The following NHS variants were observed in gnomAD, a reference collection of about 807,000 sequenced individuals.
The protein encoded by NHS is actin remodeling regulator NHS.
In NHS, 5 loss-of-function variants were observed where a neutral mutation model predicts 72.5. The ratio of observed to expected loss-of-function variants is 0.07; its 90% CI spans 0.04 to 0.14. NHS has a LOEUF of 0.14. Ranked by LOEUF, NHS falls within the 10% of genes least tolerant of loss-of-function variation. The pLI is 1.00. For missense variants in NHS, 1,072 were observed against 1,355.7 expected (o/e 0.79, Z 3.29); for synonymous variants, 464 against 547.7 (o/e 0.85, Z 2.13).
At chrX:17,407,559 G>A (rs966803489) in intron 1 of NHS, among the ~76,000 whole-genome samples, 1 of 111,488 alleles carries the variant, frequency 9.0e-6, no homozygotes, top group Admixed American at 9.5e-5. Flanking sequence ...GAGGAGTGTT[G>A]ATTTTTTTTG....
At chrX:17,407,262 T>A (rs1045897967) in intron 1 of NHS, among the ~76,000 whole-genome samples, 1 of 111,882 alleles carries the variant, frequency 8.9e-6, no homozygotes, top group Admixed American at 9.5e-5. Flanking sequence ...GTTGTTTTTT[T>A]AATACTATAT....
chrX:17,499,902 A>G (rs1423511910), intron 1 of NHS, among the ~76,000 whole-genome samples: 1 of 111,845 alleles, frequency 8.9e-6, no homozygotes, highest in Non-Finnish European at 1.9e-5. Flanking sequence ...AGGGCTCTGA[A>G]AGGAGATGAA....
intron 1 of NHS, among the ~76,000 whole-genome samples, chrX:17,572,491 C>CTTTTTTT (rs760577193): frequency 3.4e-4 from 16 of 46,758 alleles, no homozygotes; most frequent in African/African-American, 1.0e-3. Context: ...GCAACCCCTG[C>CTTTTTTT]TTTTTTTTTT....
intron 1 of NHS, among the ~76,000 whole-genome samples, chrX:17,417,514 T>C: frequency 8.9e-6 from 1 of 111,781 alleles, no homozygotes; most frequent in African/African-American, 3.2e-5. Context: ...TCAGAACCAC[T>C]TTGGTTTCAT....
chrX:17,446,432 C>T (rs2064780534), intron 1 of NHS, among the ~76,000 whole-genome samples: 1 of 110,425 alleles, frequency 9.1e-6, no homozygotes, highest in Non-Finnish European at 1.9e-5. Context: ...TAACTGATGA[C>T]ATTACCTTGT....
chrX:17,570,779 C>T (rs1324966365), intron 1 of NHS, among the ~76,000 whole-genome samples: 1 of 111,557 alleles, frequency 9.0e-6, no homozygotes, highest in South Asian at 3.8e-4. Context: ...CAGTTTTTGC[C>T]CGTTCAGCAT....
At chrX:17,389,380 C>T (rs1389146888) in intron 1 of NHS, among the ~76,000 whole-genome samples, 1 of 111,049 alleles carries the variant, frequency 9.0e-6, no homozygotes, top group Non-Finnish European at 1.9e-5. Flanking sequence ...TCTGGGCTTT[C>T]GACCAAGACT....
At position 17,578,781 on chromosome X, in the gene NHS, G is replaced by C. The variant is rs139486564; in HGVS notation, c.566-108961G>C. Reference sequence around the variant, plus strand: ...AGCAGATTGTATTTCCACAAACAAAGAAAAACCTGTTTACAACTGTACCTG... The same window carrying C: ...AGCAGATTGTATTTCCACAAACAAACAAAAACCTGTTTACAACTGTACCTG... On this transcript the variant is annotated intron_variant, in intron 1 of 8. Transcript: ENST00000676302. Among the ~76,000 whole-genome samples, 742 of 112,166 alleles carry C rather than the reference G, an allele frequency of 6.6e-3. 5 individuals are homozygous for C. Among genetic ancestry groups the C allele is most frequent in the Middle Eastern group, 0.028 (6 of 218 alleles).
chrX:17,452,565 C>T (rs2064810122), intron 1 of NHS, among the ~76,000 whole-genome samples: 2 of 109,696 alleles, frequency 1.8e-5, no homozygotes, highest in Non-Finnish European at 3.8e-5. Flanking sequence ...GGGCTTTCCT[C>T]TGTACTTTCT....
chrX:17,581,757 T>C (rs2065545093), intron 1 of NHS, among the ~76,000 whole-genome samples: 1 of 111,398 alleles, frequency 9.0e-6, no homozygotes, highest in Non-Finnish European at 1.9e-5. Context: ...TTCCCCTTCG[T>C]GGTGACTTGA....
chrX:17,619,326 T>C (rs2065761759), intron 1 of NHS, among the ~76,000 whole-genome samples: 1 of 111,170 alleles, frequency 9.0e-6, no homozygotes, highest in African/African-American at 3.4e-5. Context: ...AGCTGAACTG[T>C]GTGTGTGCTC....
intron 1 of NHS, among the ~76,000 whole-genome samples, chrX:17,391,097 T>G (rs1019956025): frequency 2.7e-5 from 3 of 112,039 alleles, no homozygotes; most frequent in African/African-American, 9.8e-5. Flanking sequence ...ATTATCAATT[T>G]ATGCTTTGCT....
At chrX:17,508,551 A>T (rs748762307) in intron 1 of NHS, among the ~76,000 whole-genome samples, 2 of 110,701 alleles carry the variant, frequency 1.8e-5, no homozygotes, top group African/African-American at 6.6e-5. Context: ...GCTCACTGCA[A>T]CCTCCACCTC....
At chrX:17,697,342 C>T (rs1163460404) in intron 3 of NHS, among the ~76,000 whole-genome samples, 1 of 111,739 alleles carries the variant, frequency 8.9e-6, no homozygotes, top group Non-Finnish European at 1.9e-5. Flanking sequence ...AACAAACTGA[C>T]AGAAGATGGT....
chrX:17,729,032 G>A (rs1569321317), intron 8 of NHS, among the ~76,000 whole-genome samples: 1 of 112,068 alleles, frequency 8.9e-6, no homozygotes, highest in Non-Finnish European at 1.9e-5. Flanking sequence ...TTTTTCCCCA[G>A]GAAAAGACAT....
intron 1 of NHS, among the ~76,000 whole-genome samples, chrX:17,562,241 G>A (rs929672856): frequency 9.0e-6 from 1 of 111,639 alleles, no homozygotes; most frequent in Non-Finnish European, 1.9e-5. Flanking sequence ...AGCCAAGGAA[G>A]GGTTATTAAG....
At chrX:17,440,152 C>T (rs2064745014) in intron 1 of NHS, among the ~76,000 whole-genome samples, 1 of 106,468 alleles carries the variant, frequency 9.4e-6, no homozygotes, top group Non-Finnish European at 1.9e-5. Context: ...CCCAGCTACT[C>T]AGAGGCCAAG....
At chrX:17,629,965 A>C (rs771891470) in intron 1 of NHS, among the ~76,000 whole-genome samples, 42 of 109,203 alleles carry the variant, frequency 3.8e-4, no homozygotes, top group Non-Finnish European at 6.8e-4. Context: ...AGGCAAAGGA[A>C]GTTCAGTTGC....
intron 3 of NHS, among the ~76,000 whole-genome samples, chrX:17,716,960 C>CTT (rs199717924): frequency 1.9e-4 from 20 of 103,148 alleles, no homozygotes; most frequent in African/African-American, 6.7e-4. Context: ...ATTCCCCTTA[C>CTT]TCTTTTTTTT....
Sources: allele counts gnomAD v4.1 joint callset (sites outside exome capture counted in the v4.1 genomes callset), GRCh38; gene constraint gnomAD v4.1.1; transcripts MANE v1.5; gene names NCBI Gene and HGNC (gene_info 2026-07-23, HGNC 2026-07-21).